CSMD1: variants seen among roughly 807,000 people sequenced by gnomAD.
The protein encoded by CSMD1 is CUB and Sushi multiple domains 1, also known as CUB and sushi domain-containing protein 1.
In CSMD1, 213 loss-of-function variants were observed where a neutral mutation model predicts 417.5. The ratio of observed to expected loss-of-function variants is 0.51; its 90% CI spans 0.46 to 0.57. The LOEUF is 0.57. CSMD1 is among the 20% of genes least tolerant of loss of function. The pLI, the probability that CSMD1 is intolerant of heterozygous loss-of-function variation, is 0.00. For synonymous variants in CSMD1, 2,862 were observed against 1,736.8 expected (o/e 1.65, Z -16.11); for missense variants, 6,923 against 4,529.7 (o/e 1.53, Z -15.17).
chr8:4,080,276 A>T (rs2552143), intron 3 of CSMD1, among the ~76,000 whole-genome samples: 23 of 152,002 alleles, frequency 1.5e-4, no homozygotes, highest in Non-Finnish European at 2.6e-4. Flanking sequence ...CTACTTGACA[A>T]GTGCACACCA....
At chr8:4,178,103 C>T (rs1192676461) in intron 3 of CSMD1, among the ~76,000 whole-genome samples, 1 of 152,126 alleles carries the variant, frequency 6.6e-6, no homozygotes, top group Non-Finnish European at 1.5e-5. Context: ...ATCCTGATAC[C>T]AAAGCCTGGC....
chr8:3,025,117 A>C (rs1007050090), intron 51 of CSMD1, among the ~76,000 whole-genome samples: 1 of 150,718 alleles, frequency 6.6e-6, no homozygotes. Context: ...GTGTGGTGTT[A>C]TTCTGAAACT....
At chr8:3,092,699 T>C (rs989921119) in intron 47 of CSMD1, among the ~76,000 whole-genome samples, 4 of 152,206 alleles carry the variant, frequency 2.6e-5, no homozygotes, top group Admixed American at 1.3e-4. Flanking sequence ...GAAAGCACAG[T>C]GGAGAGTCAC....
At chr8:3,995,049 G>A (rs75561421) in intron 5 of CSMD1, among the ~76,000 whole-genome samples, 1 of 152,092 alleles carries the variant, frequency 6.6e-6, no homozygotes, top group Non-Finnish European at 1.5e-5. Context: ...TGCAATTCGG[G>A]AATGGGGAAA....
In CSMD1 at chr8:4,024,667, G is replaced by A. The variant is rs555267418; in HGVS notation, c.610+7238C>T. ...TTATGGGCCTCAGCATATTGCCAAG[G>A]AGACACTGCATAAATGTGACTTGTG... is the stretch of plus-strand genomic sequence containing the variant. On this transcript the variant is annotated intron_variant, in intron 4 of 69. Transcript: ENST00000635120. Among the ~76,000 whole-genome samples, 37 of 152,252 alleles carry A rather than the reference G, an allele frequency of 2.4e-4. 1 individual carries two copies. The highest frequency in any genetic ancestry group is 8.7e-4 in the African/African-American group (36 of 41,552).
At chr8:3,959,431 G>A (rs1038075814) in intron 5 of CSMD1, among the ~76,000 whole-genome samples, 2 of 152,164 alleles carry the variant, frequency 1.3e-5, no homozygotes, top group Non-Finnish European at 2.9e-5. Flanking sequence ...CCTGGGAGGT[G>A]GAGGTTGCAG....
At chr8:4,071,466 C>G (rs1399727232) in intron 3 of CSMD1, among the ~76,000 whole-genome samples, 2 of 151,758 alleles carry the variant, frequency 1.3e-5, no homozygotes, top group South Asian at 2.1e-4. Context: ...CTATTTTTTT[C>G]CTGATATTTC....
intron 50 of CSMD1, among the ~76,000 whole-genome samples, chr8:3,050,208 A>C (rs1047322307): frequency 2.0e-5 from 3 of 151,820 alleles, no homozygotes; most frequent in African/African-American, 7.2e-5. Flanking sequence ...AAATCTCTCT[A>C]GAGTATTTCA....
chr8:3,536,184 C>T (rs772121450), intron 10 of CSMD1, among the ~76,000 whole-genome samples: 19 of 152,178 alleles, frequency 1.2e-4, no homozygotes, highest in African/African-American at 2.4e-4. Flanking sequence ...TTTCAGCAGA[C>T]GTATCCAGAG....
intron 3 of CSMD1, among the ~76,000 whole-genome samples, chr8:4,178,352 C>T (rs1318219271): frequency 6.6e-6 from 1 of 150,854 alleles, no homozygotes; most frequent in Non-Finnish European, 1.5e-5. Flanking sequence ...TCAATAGATG[C>T]AGAAAAGGCC....
chr8:3,212,222 A>G (rs10096225), intron 30 of CSMD1, among the ~76,000 whole-genome samples: 81,882 of 152,008 alleles, frequency 0.54, 22,360 homozygotes, highest in African/African-American at 0.64. Flanking sequence ...TAAAAAAGAA[A>G]CACTCTATAA....
chr8:3,109,341 C>A (rs1309149268), intron 43 of CSMD1, among the ~76,000 whole-genome samples: 1 of 152,186 alleles, frequency 6.6e-6, no homozygotes, highest in Non-Finnish European at 1.5e-5. Flanking sequence ...GGAGCTTAAT[C>A]TATGGGGCAT....
chr8:4,057,104 TC>T (rs1798736173), intron 3 of CSMD1, among the ~76,000 whole-genome samples: 1 of 152,200 alleles, frequency 6.6e-6, no homozygotes, highest in African/African-American at 2.4e-5. Context: ...CCCTGAGGAA[TC>T]GCCACACTGA....
At chr8:3,990,623 C>G (rs530125576) in intron 5 of CSMD1, among the ~76,000 whole-genome samples, 1 of 152,166 alleles carries the variant, frequency 6.6e-6, no homozygotes, top group African/African-American at 2.4e-5. Flanking sequence ...TTTATTGAAA[C>G]TCTGGTATTT....
intron 6 of CSMD1, among the ~76,000 whole-genome samples, chr8:3,745,446 A>G (rs1797020989): frequency 6.6e-6 from 1 of 152,218 alleles, no homozygotes; most frequent in Non-Finnish European, 1.5e-5. Context: ...AGGTGAGTAA[A>G]TGCCAACTTG....
chr8:4,349,936 C>T (rs1027222704), intron 3 of CSMD1, among the ~76,000 whole-genome samples: 14 of 151,562 alleles, frequency 9.2e-5, no homozygotes, highest in African/African-American at 3.4e-4. Context: ...TTTATACTGC[C>T]AAACTTTAAC....
rs1810689168 is a variant in CSMD1 at position 3,938,944 on chromosome 8, T to C, written c.818+58959A>G. 3.3e-5 allele frequency among the ~76,000 whole-genome samples: 5 copies of C among 152,270 alleles called. No homozygotes were observed. In the South Asian group the frequency reaches 8.3e-4, roughly 25 times the overall value. Reference sequence around the variant, plus strand: ...CTCAAACACAGTAACATTTTATTAGTTCTTAAAAATAATATTCATAGGCAG... The same window carrying C: ...CTCAAACACAGTAACATTTTATTAGCTCTTAAAAATAATATTCATAGGCAG... On this transcript the variant is annotated intron_variant, in intron 5 of 69. Coordinates refer to ENST00000635120, the MANE Select transcript of CSMD1 (RefSeq NM_033225.6).
intron 5 of CSMD1, among the ~76,000 whole-genome samples, chr8:3,900,514 G>C (rs1563192223): frequency 1.3e-5 from 2 of 151,900 alleles, no homozygotes; most frequent in Non-Finnish European, 1.5e-5. Context: ...AGTAGAGCTG[G>C]ATGACACTAC....
At chr8:3,513,311 A>C (rs1014491167) in intron 10 of CSMD1, among the ~76,000 whole-genome samples, 6 of 151,412 alleles carry the variant, frequency 4.0e-5, no homozygotes, top group African/African-American at 1.5e-4. Context: ...TCCATAGGTA[A>C]GTCCTGGCTT....
Sources: allele counts gnomAD v4.1 joint callset (sites outside exome capture counted in the v4.1 genomes callset), GRCh38; gene constraint gnomAD v4.1.1; transcripts MANE v1.5; gene names NCBI Gene and HGNC (gene_info 2026-07-23, HGNC 2026-07-21).